The following THBS2 variants were observed in gnomAD, a reference collection of about 807,000 sequenced individuals.
THBS2 encodes the protein thrombospondin-2.
Under a neutral mutation model 135.2 loss-of-function variants are expected in THBS2, and 47 were observed. That is an observed-to-expected ratio of 0.35 (90% CI 0.28 to 0.44). The LOEUF (loss-of-function observed/expected upper bound fraction) is 0.44. Ranked by LOEUF, THBS2 falls within the 20% of genes least tolerant of loss-of-function variation. The pLI is 1.00. For missense variants in THBS2, 1,288 were observed against 1,603.1 expected (o/e 0.80, Z 3.36); for synonymous variants, 639 against 633.8 (o/e 1.01, Z -0.12).
Position 169,225,178 on chromosome 6 carries a change from G to A in THBS2, c.2740C>T (p.Leu914Phe). The change falls in exon 17 of 22, where the codon CTT becomes TTT. Residue 914 changes from leucine to phenylalanine, a missense_variant. Leu to Phe is a conservative substitution (Grantham distance 22). This residue lies in a region of THBS2 where 874 missense variants were observed against 1,156.1 expected (regional missense o/e 0.76). Coordinates refer to ENST00000617924, the MANE Select transcript of THBS2 (RefSeq NM_003247.5). Reference protein sequence around the residue: ...GVPDDRDNCRLVFNPDQEDLD... With the variant: ...GVPDDRDNCRFVFNPDQEDLD... ...TCCTCCTGGTCTGGGTTGAACACAA[G>A]CCGGCAGTTGTCCCTGTCATCGGGG... 1 of 1,614,222 alleles carries A rather than the reference G, an allele frequency of 6.2e-7. No individual in the cohort carries two copies. The highest frequency in any genetic ancestry group is 1.1e-5 in the South Asian group (1 of 91,082).
intron 10 of THBS2, chr6:169,234,390 T>C (rs1779958287): frequency 4.3e-6 from 1 of 235,242 alleles, no homozygotes; most frequent in African/African-American, 2.4e-5. Context: ...GCCACACAAC[T>C]ACCCACACAC....
chr6:169,220,244 G>A lies in THBS2; in HGVS notation c.3465C>T (p.Phe1155=), dbSNP rs573907740. 1 of 1,613,944 alleles carries A rather than the reference G, an allele frequency of 6.2e-7. No individual in the cohort carries two copies. The highest frequency in any genetic ancestry group is 2.2e-5 in the East Asian group (1 of 44,878). Residue 1155 remains phenylalanine (F), a synonymous_variant, in exon 21 of 22, where the codon TTC becomes TTT. Coordinates refer to ENST00000617924, the MANE Select transcript of THBS2 (RefSeq NM_003247.5). Reference sequence around the variant, plus strand: ...CTGAGAAATAGACCATTTCTTGAGAGAAGACAAATAGACCCAGCCGCCCGC... The same window carrying A: ...CTGAGAAATAGACCATTTCTTGAGAAAAGACAAATAGACCCAGCCGCCCGC... ...YAGGRLGLFV[F]SQEMVYFSDL... is the part of the protein sequence containing the mutation.
chr6:169,241,407 G>GTGTGTGTGTA lies in THBS2; in HGVS notation c.891+345_891+354dup, dbSNP rs780422118. ...AAATTATTTTCCTCTGCAGGTGTGT[G>GTGTGTGTGTA]TGTGTGTGTATGTGTGTGTATGTGT... is the stretch of plus-strand genomic sequence containing the variant. On this transcript the variant is annotated intron_variant, in intron 5 of 21. Transcript: ENST00000617924. The surrounding 1 kb of genome is among the most constrained non-coding windows in gnomAD (Gnocchi z 5.5). 8.8e-6 allele frequency among the ~76,000 whole-genome samples: 1 copy of GTGTGTGTGTA among 114,148 alleles called. No homozygotes were observed. The highest frequency in any genetic ancestry group is 2.8e-5 in the African/African-American group (1 of 35,930). The allele number at this position is 114,148 out of a possible 152,430, so 74.9% of individuals were successfully genotyped here. A position where few individuals can be genotyped will look rare whatever the true frequency, so the allele number is the denominator to read the frequency against.
In THBS2 at chr6:169,237,674, C is replaced by T. The variant is rs749968083; in HGVS notation, c.1251G>A (p.Gly417=). The T allele has an allele frequency of 1.3e-5, 21 of 1,612,846 alleles. No individual in the cohort carries two copies. In the African/African-American group the frequency reaches 1.9e-4, roughly 14 times the overall value. Residue 417 remains glycine, a synonymous_variant, in exon 8 of 22, where the codon GGG becomes GGA. Coordinates refer to ENST00000617924, the MANE Select transcript of THBS2 (RefSeq NM_003247.5). ...SCDVTSNTCL[G]PSIQTRACSL... ...TGCAAGCCCGTGTCTGGATGGAGGG[C>T]CCCAAGCAGGTGTTGCTGGTGACGT... is the stretch of plus-strand genomic sequence containing the variant.
intron 12 of THBS2, 86 bp from the exon 13 acceptor site, chr6:169,232,284 C>T: frequency 1.4e-6 from 2 of 1,451,394 alleles, no homozygotes; most frequent in Non-Finnish European, 1.9e-6. Flanking sequence ...ACCGCAGGCC[C>T]CAGCAGGTCC....
intron 20 of THBS2, 58 bp downstream of exon 20, chr6:169,221,372 T>C (rs1056233027): frequency 6.7e-5 from 100 of 1,484,728 alleles, no homozygotes; most frequent in Non-Finnish European, 6.8e-5. Context: ...AATGTTCAAA[T>C]GTGCCGTCCG....
chr6:169,225,384 G>T lies in THBS2; in HGVS notation c.2539-5C>A, dbSNP rs770396636. On this transcript the variant is annotated splice_polypyrimidine_tract_variant and splice_region_variant and intron_variant, in intron 16 of 21. Coordinates refer to ENST00000617924, the MANE Select transcript of THBS2 (RefSeq NM_003247.5). ...AAGGTCATTGTCCACGTCGGTCTAG[G>T]GGATGGGGCGTGAGAGAAACAGCAG... The T allele has an allele frequency of 7.0e-5, 108 of 1,552,912 alleles. No homozygotes were observed. Among genetic ancestry groups the T allele is most frequent in the Non-Finnish European group, 8.8e-5 (101 of 1,147,588 alleles).
intron 19 of THBS2, 30 bp from the exon 20 acceptor site, chr6:169,221,557 C>T (rs1199972844): frequency 6.2e-7 from 1 of 1,601,756 alleles, no homozygotes; most frequent in Admixed American, 1.7e-5. Context: ...TCTTGAGTGC[C>T]ATGGGCACCC....
chr6:169,231,923 G>A (rs1327256058), intron 13 of THBS2, 57 bp downstream of exon 13: 3 of 1,586,388 alleles, frequency 1.9e-6, no homozygotes, highest in Non-Finnish European at 2.6e-6. Context: ...CGTCCCCGGC[G>A]CCAGGAGGAG....
Position 169,246,395 on chromosome 6 carries a change from T to C in THBS2, c.610-114A>G. 3 of 846,298 alleles carry C rather than the reference T, an allele frequency of 3.5e-6. No individual in the cohort carries two copies. In the Admixed American group the frequency reaches 5.9e-5, roughly 17 times the overall value. The allele number at this position is 846,298 out of a possible 1,614,324, so 52.4% of individuals were successfully genotyped here. On this transcript the variant is annotated intron_variant, in intron 3 of 21. Coordinates refer to ENST00000617924, the MANE Select transcript of THBS2 (RefSeq NM_003247.5). ...TGGAATCTTCAAGTAGTGAGAGTATTTCCTTCTACGTAGCAGGTTTGCAAT... is the reference window on the plus strand; with the variant it reads ...TGGAATCTTCAAGTAGTGAGAGTATCTCCTTCTACGTAGCAGGTTTGCAAT...
chr6:169,250,637 T>G (rs115761990), intron 2 of THBS2, 96 bp downstream of exon 2: 1 of 1,149,476 alleles, frequency 8.7e-7, no homozygotes, highest in Admixed American at 2.3e-5. Context: ...ACGGGTAAGA[T>G]TGTCCAACCA....
Position 169,248,871 on chromosome 6 carries a change from A to ACGCC in THBS2, c.151_154dup (p.Val52GlyfsTer11). 6.2e-7 allele frequency: 1 copy of ACGCC among 1,612,560 alleles called. No homozygotes were observed. The highest frequency in any genetic ancestry group is 8.5e-7 in the Non-Finnish European group (1 of 1,180,012). On this transcript the variant is annotated frameshift_variant, in exon 3 of 22. Transcript: ENST00000617924. LOFTEE classifies it high-confidence loss of function. ...AAAGCGCACGAAGCGGTAAGCCGGC[A>ACGCC]CGCCGGGGTCGGGCCCGCGGAACTG...
chr6:169,234,727 C>T lies in THBS2; in HGVS notation c.1651+7G>A. 6.4e-7 allele frequency: 1 copy of T among 1,555,516 alleles called. No homozygotes were observed. The highest frequency in any genetic ancestry group is 8.7e-7 in the Non-Finnish European group (1 of 1,143,230). ...TTTCAGTGCCCCCGCTTCTACCCCT[C>T]ACTCACCCACGGGGCAGCTCCTCTT... is the stretch of plus-strand genomic sequence containing the variant. On this transcript the variant is annotated splice_region_variant and intron_variant, in intron 10 of 21. Coordinates refer to ENST00000617924, the MANE Select transcript of THBS2 (RefSeq NM_003247.5).
At chr6:169,219,751 G>A (rs1779353778) in intron 21 of THBS2, 1 of 517,196 alleles carries the variant, frequency 1.9e-6, no homozygotes, top group Non-Finnish European at 3.9e-6. Context: ...AGAGCAGATG[G>A]AATTCAAGTT....
At chr6:169,225,402 A>T (rs1779591217) in intron 16 of THBS2, 23 bp from the exon 17 acceptor site, 1 of 1,549,804 alleles carries the variant, frequency 6.5e-7, no homozygotes, top group Non-Finnish European at 8.7e-7. Context: ...GCGTGAGAGA[A>T]ACAGCAGAGG....
chr6:169,231,794 C>T (rs1307645930), intron 13 of THBS2, among the ~76,000 whole-genome samples, 186 bp downstream of exon 13: 1 of 152,094 alleles, frequency 6.6e-6, no homozygotes, highest in African/African-American at 2.4e-5. Context: ...GTGCCTGTGT[C>T]TACTAAGGAC....
chr6:169,224,471 C>T (rs1039735879), intron 17 of THBS2, among the ~76,000 whole-genome samples: 3 of 152,200 alleles, frequency 2.0e-5, no homozygotes, highest in African/African-American at 7.2e-5. Context: ...GTCATGCTGT[C>T]TCAGATGCCC....
chr6:169,236,153 TCCACACTCACTC>T (rs1780048908), intron 9 of THBS2, among the ~76,000 whole-genome samples: 1 of 87,432 alleles, frequency 1.1e-5, no homozygotes, highest in Non-Finnish European at 2.2e-5. Context: ...TCACTCCCCA[TCCACACTCACTC>T]CCCATCCACA....
At chr6:169,234,670 G>A (rs534009464) in intron 10 of THBS2, 64 bp downstream of exon 10, 41 of 1,393,272 alleles carry the variant, frequency 2.9e-5, no homozygotes, top group East Asian at 1.1e-4. Context: ...TTCCCAAAGC[G>A]TTTGTGCTTT....
Sources: allele counts gnomAD v4.1 joint callset (sites outside exome capture counted in the v4.1 genomes callset), GRCh38; gene constraint gnomAD v4.1.1; regional missense constraint gnomAD v4.1.1; non-coding constraint Gnocchi (gnomAD v3.1); transcripts MANE v1.5; gene names NCBI Gene and HGNC (gene_info 2026-07-23, HGNC 2026-07-21).